Variants in RPS27A observed in about 807,000 individuals in gnomAD.
The protein encoded by RPS27A is ubiquitin-ribosomal protein eS31 fusion protein.
In RPS27A, 1 loss-of-function variant was observed where a neutral mutation model predicts 18.9. The ratio of observed to expected loss-of-function variants is 0.05; its 90% CI spans 0.02 to 0.25. The LOEUF is 0.25. RPS27A is among the 10% of genes least tolerant of loss of function. RPS27A has a pLI of 1.00. For missense variants in RPS27A, 123 were observed against 187.4 expected (o/e 0.66, Z 2.01); for synonymous variants, 77 against 63.7 (o/e 1.21, Z -0.99).
chr2:55,232,964 T>G, intron 2 of RPS27A, 92 bp downstream of exon 2: 1 of 1,051,830 alleles, frequency 9.5e-7, no homozygotes, highest in South Asian at 1.3e-5. Flanking sequence ...TCTTAGACCA[T>G]GATTCCGAAT....
rs553166939 is a variant in RPS27A, at chr2:55,232,697, C to T, written c.-29C>T. The T allele has an allele frequency of 1.3e-5, 11 of 851,718 alleles. No homozygotes were observed. In the African/African-American group the frequency reaches 1.3e-4, roughly 10 times the overall value. The allele number at this position is 851,718 out of a possible 1,614,324, so 52.8% of individuals were successfully genotyped here. A position where few individuals can be genotyped will look rare whatever the true frequency, so the allele number is the denominator to read the frequency against. On this transcript the variant is annotated 5_prime_UTR_variant, in exon 1 of 6. Coordinates refer to ENST00000272317, the MANE Select transcript of RPS27A (RefSeq NM_002954.6). The stretch of plus-strand genomic sequence containing the variant: ...CTGCGCGGCGTTCTTCCTTTTCGAT[C>T]CGCCATCTGCGGTGGGTGTCTGCAC...
chr2:55,232,511 A>G (rs1030967630), upstream of RPS27A: 2 of 471,736 alleles, frequency 4.2e-6, no homozygotes, highest in Non-Finnish European at 7.8e-6. Flanking sequence ...AGCATTCCGA[A>G]GGCTAAAGTG....
intron 5 of RPS27A, chr2:55,235,176 A>T (rs1675726369): frequency 2.8e-6 from 2 of 712,004 alleles, no homozygotes; most frequent in African/African-American, 3.6e-5. Flanking sequence ...TCTGAGTTTA[A>T]AGTCGGGTTT....
rs755970480 is a variant in RPS27A, at chr2:55,235,627, T to C, written c.*50T>C. The C allele has an allele frequency of 3.9e-5, 62 of 1,590,362 alleles. No homozygotes were observed. In the South Asian group the frequency reaches 5.8e-4, roughly 15 times the overall value. On this transcript the variant is annotated 3_prime_UTR_variant, in exon 6 of 6. Transcript: ENST00000272317. ...AACTAACATTTATTGTTGGGTTTTA[T>C]TGCAGTAAAAAGAATGGTTTTTAAG...
chr2:55,233,890 A>G (rs1036154581), intron 3 of RPS27A: 11 of 591,096 alleles, frequency 1.9e-5, no homozygotes, highest in Non-Finnish European at 3.0e-5. Flanking sequence ...TCGACCTCCC[A>G]AAGTATTGGT....
At chr2:55,232,427 T>C (rs1298386066), upstream of RPS27A, 2 of 295,328 alleles carry the variant, frequency 6.8e-6, no homozygotes, top group Non-Finnish European at 1.3e-5. Context: ...TTAAAAATTC[T>C]CTTAGCCACG....
At chr2:55,234,290 G>A in intron 4 of RPS27A, 86 bp downstream of exon 4, 1 of 957,072 alleles carries the variant, frequency 1.0e-6, no homozygotes, top group Non-Finnish European at 1.7e-6. Flanking sequence ...GACAGGCTCT[G>A]ACTCTGTCAC....
chr2:55,234,734 T>C (rs1675705821), intron 4 of RPS27A, 97 bp from the exon 5 acceptor site: 1 of 1,383,174 alleles, frequency 7.2e-7, no homozygotes, highest in Admixed American at 1.8e-5. Context: ...CAAATGTTAT[T>C]GTGTGCTGCT....
chr2:55,234,594 C>T (rs1450794503), intron 4 of RPS27A: 16 of 584,658 alleles, frequency 2.7e-5, no homozygotes, highest in South Asian at 2.6e-4. Flanking sequence ...AGAAGCACTG[C>T]TATAGTTCTC....
intron 1 of RPS27A, 21 bp from the exon 2 acceptor site, chr2:55,232,787 C>T: frequency 5.6e-6 from 9 of 1,597,492 alleles, no homozygotes; most frequent in South Asian, 1.1e-5. Context: ...TAACCTGTCT[C>T]TTCCTTTTCC....
intron 1 of RPS27A, 49 bp from the exon 2 acceptor site, chr2:55,232,759 C>A (rs1041066145): frequency 6.9e-7 from 1 of 1,457,332 alleles, no homozygotes; most frequent in African/African-American, 1.4e-5. Flanking sequence ...ATGGTGCCTT[C>A]TCTTGTGATC....
intron 5 of RPS27A, 158 bp from the exon 6 acceptor site, chr2:55,235,270 T>G (rs1367091649): frequency 3.5e-6 from 3 of 849,084 alleles, no homozygotes; most frequent in Non-Finnish European, 5.7e-6. Flanking sequence ...ATGTTTTCAT[T>G]GTAGCAATGA....
rs1455584519 is a variant in RPS27A, at chr2:55,234,198, T to G, written c.183T>G (p.Ile61Met). 6.2e-7 allele frequency: 1 copy of G among 1,602,054 alleles called. No individual in the cohort carries two copies. Among genetic ancestry groups the G allele is most frequent in the Non-Finnish European group, 8.6e-7 (1 of 1,169,124 alleles). ...EDGRTLSDYNIQKESTLHLVL... is the reference protein window; with the variant it reads ...EDGRTLSDYNMQKESTLHLVL... ...GACGTACTTTGTCTGACTACAATAT[T>G]CAAAAGGTCTGTCTAGGGGAAGAGC... is the stretch of plus-strand genomic sequence containing the variant. Residue 61 changes from isoleucine to methionine, a missense_variant, in exon 4 of 6, where the codon ATT (isoleucine) becomes ATG (methionine). Physicochemically the swap from Ile to Met is conservative, Grantham distance 10. This residue lies in a region of RPS27A where 66 missense variants were observed against 72.6 expected (regional missense o/e 0.91). Transcript: ENST00000272317.
chr2:55,233,480 C>T, intron 3 of RPS27A, 63 bp downstream of exon 3: 1 of 1,093,060 alleles, frequency 9.1e-7, no homozygotes, highest in Non-Finnish European at 1.4e-6. Context: ...CCTGTAGGTG[C>T]TAGACATACC....
chr2:55,233,006 T>G, intron 2 of RPS27A, 134 bp downstream of exon 2: 8 of 781,974 alleles, frequency 1.0e-5, no homozygotes, highest in Non-Finnish European at 1.8e-5. Flanking sequence ...TTGAAATGAG[T>G]ACCTTTTGCT....
chr2:55,233,084 C>A, intron 2 of RPS27A: 1 of 651,542 alleles, frequency 1.5e-6, no homozygotes, highest in African/African-American at 1.8e-5. Context: ...GGGGTTCCAG[C>A]TAGTTAGTTA....
rs565101245 is a variant in RPS27A, at chr2:55,235,347, A to T, written c.322-81A>T. On this transcript the variant is annotated intron_variant, in intron 5 of 5. Coordinates refer to ENST00000272317, the MANE Select transcript of RPS27A (RefSeq NM_002954.6). ...AAACCACCAGTATTACACAGTTAAAAGCTTAAATATTTTGAGTCACTTAAA... is the reference window on the plus strand; with the variant it reads ...AAACCACCAGTATTACACAGTTAAATGCTTAAATATTTTGAGTCACTTAAA... 1,091 of 1,504,004 alleles carry T rather than the reference A, an allele frequency of 7.3e-4. 8 individuals carry two copies. Among genetic ancestry groups the T allele is most frequent in the Non-Finnish European group, 8.1e-4 (876 of 1,084,038 alleles). 93.2% of individuals were successfully genotyped at this position (1,504,004 alleles called of 1,614,324 possible).
rs777965161 is a variant in RPS27A, at chr2:55,232,892, G to C, written c.48+20G>C. On this transcript the variant is annotated intron_variant, in intron 2 of 5. Coordinates refer to ENST00000272317, the MANE Select transcript of RPS27A (RefSeq NM_002954.6). Reference sequence around the variant, plus strand: ...CTCGAGGTACGGGCCGGGTGGTCATGAGGAAGCCAAGGTCCGAATAAGGTC... The same window carrying C: ...CTCGAGGTACGGGCCGGGTGGTCATCAGGAAGCCAAGGTCCGAATAAGGTC... The C allele has an allele frequency of 8.1e-6, 13 of 1,607,526 alleles. No individual in the cohort carries two copies. The highest frequency in any genetic ancestry group is 1.1e-5 in the Non-Finnish European group (13 of 1,175,540).
intron 2 of RPS27A, chr2:55,233,124 C>G: frequency 1.6e-6 from 1 of 636,518 alleles, no homozygotes; most frequent in South Asian, 1.9e-5. Flanking sequence ...GGGAAGGAGA[C>G]GCTCTGCCCG....
Sources: allele counts gnomAD v4.1 joint callset, GRCh38; gene constraint gnomAD v4.1.1; regional missense constraint gnomAD v4.1.1; transcripts MANE v1.5; gene names NCBI Gene and HGNC (gene_info 2026-07-23, HGNC 2026-07-21).